The following FIRRM variants were observed in gnomAD, a reference collection of about 807,000 sequenced individuals.
The protein encoded by FIRRM is FIGNL1 interacting regulator of recombination and mitosis.
chr1:169,819,254 C>G, the FIRRM span, among the ~76,000 whole-genome samples: 1 of 152,214 alleles, frequency 6.6e-6, no homozygotes. Flanking sequence ...CAGCCCATCA[C>G]TCATGGGAGT....
At chr1:169,800,751 T>G in the FIRRM span, 2 of 442,586 alleles carry the variant, frequency 4.5e-6, no homozygotes, top group East Asian at 7.5e-5. Context: ...TAATAGTTTC[T>G]CTGTATAGAA....
chr1:169,795,666 TA>T, the FIRRM span: 5 of 988,832 alleles, frequency 5.1e-6, no homozygotes, highest in Non-Finnish European at 6.0e-6. Context: ...TGAATATGAA[TA>T]AGGGCTTTCT....
the FIRRM span, among the ~76,000 whole-genome samples, chr1:169,804,597 G>A: frequency 1.3e-5 from 2 of 152,182 alleles, no homozygotes; most frequent in Non-Finnish European, 2.9e-5. Flanking sequence ...ACGTGCATAT[G>A]TGTATGTAAA....
chr1:169,808,011 C>A, the FIRRM span: 1 of 1,328,978 alleles, frequency 7.5e-7, no homozygotes, highest in South Asian at 1.3e-5. Flanking sequence ...ATGTCTGGGT[C>A]AGTCTATTTA....
the FIRRM span, among the ~76,000 whole-genome samples, chr1:169,784,132 T>C: frequency 6.6e-6 from 1 of 152,166 alleles, no homozygotes; most frequent in East Asian, 1.9e-4. Context: ...ATCAGATGCA[T>C]ACTTCAGCAC....
At chr1:169,830,429 AAC>A in the FIRRM span, 1 of 1,172,644 alleles carries the variant, frequency 8.5e-7, no homozygotes, top group Non-Finnish European at 1.2e-6. Flanking sequence ...CTTATAGAAA[AAC>A]TGTTTCAATA....
At chr1:169,805,952 T>G in the FIRRM span, 4 of 1,050,862 alleles carry the variant, frequency 3.8e-6, no homozygotes, top group African/African-American at 1.6e-5. Context: ...TAGGAGAAAC[T>G]CACCCCCATG....
the FIRRM span, among the ~76,000 whole-genome samples, chr1:169,805,230 G>T: frequency 6.6e-6 from 1 of 152,128 alleles, no homozygotes; most frequent in African/African-American, 2.4e-5. Flanking sequence ...TGCAGTTTAG[G>T]GTGGGATGTC....
At chr1:169,845,434 C>G in the FIRRM span, among the ~76,000 whole-genome samples, 2 of 152,166 alleles carry the variant, frequency 1.3e-5, no homozygotes, top group Admixed American at 6.5e-5. Context: ...TCTGCCACAT[C>G]AATTGACTCT....
At chr1:169,800,325 G>A in the FIRRM span, among the ~76,000 whole-genome samples, 2 of 152,128 alleles carry the variant, frequency 1.3e-5, no homozygotes, top group Admixed American at 1.3e-4. Context: ...GATTACAGGC[G>A]TGAGCCACCA....
chr1:169,799,318 T>C, the FIRRM span, among the ~76,000 whole-genome samples: 1 of 152,246 alleles, frequency 6.6e-6, no homozygotes. Flanking sequence ...AAATGCTTTC[T>C]AAATTGCCAA....
the FIRRM span, among the ~76,000 whole-genome samples, chr1:169,812,623 C>T: frequency 2.6e-5 from 4 of 152,050 alleles, no homozygotes; most frequent in Admixed American, 6.6e-5. Flanking sequence ...TTTGGGAGGC[C>T]GAGGTGGGCA....
chr1:169,811,775 A>G, the FIRRM span, among the ~76,000 whole-genome samples: 1 of 151,598 alleles, frequency 6.6e-6, no homozygotes, highest in African/African-American at 2.4e-5. Context: ...CAGATTATCT[A>G]AATAGATAAT....
the FIRRM span, among the ~76,000 whole-genome samples, chr1:169,797,593 C>A: frequency 6.6e-6 from 1 of 152,142 alleles, no homozygotes; most frequent in African/African-American, 2.4e-5. Context: ...CTCACCCTGT[C>A]ACCCAGGCTG....
At chr1:169,792,064 T>C in the FIRRM span, among the ~76,000 whole-genome samples, 35 of 152,360 alleles carry the variant, frequency 2.3e-4, no homozygotes, top group African/African-American at 5.3e-4. Flanking sequence ...CAGATTCCCT[T>C]TGTTTCCTCA....
chr1:169,807,923 T>C, the FIRRM span: 8 of 1,602,050 alleles, frequency 5.0e-6, no homozygotes, highest in Middle Eastern at 1.7e-4. Flanking sequence ...CACAGTCAGA[T>C]GCACAGGTAA....
chr1:169,832,602 T>G, the FIRRM span: 2 of 909,650 alleles, frequency 2.2e-6, no homozygotes, highest in East Asian at 2.6e-5. Context: ...TTTTAAAAAT[T>G]TATCTTATTA....
the FIRRM span, chr1:169,852,222 C>T: frequency 7.6e-6 from 3 of 393,390 alleles, no homozygotes; most frequent in South Asian, 9.6e-5. Context: ...TACTGAACCA[C>T]AGAAGAAAAT....
At chr1:169,851,990 T>TTTAC in the FIRRM span, 1 of 1,612,826 alleles carries the variant, frequency 6.2e-7, no homozygotes, top group Non-Finnish European at 8.5e-7. Context: ...TTCTGCCCTT[T>TTTAC]TTACTTACTG....
Sources: allele counts gnomAD v4.1 joint callset (sites outside exome capture counted in the v4.1 genomes callset), GRCh38; gene constraint gnomAD v4.1.1; transcripts MANE v1.5; gene names NCBI Gene and HGNC (gene_info 2026-07-23, HGNC 2026-07-21).